ZNF227: variants seen among roughly 807,000 people sequenced by gnomAD.
ZNF227 encodes the protein zinc finger protein 227.
A neutral mutation model predicts 13.2 loss-of-function variants in ZNF227; 12 were observed. The observed-to-expected ratio is 0.91, with a 90% CI of 0.58 to 1.47. ZNF227 has a LOEUF of 1.47. ZNF227 is among the 40% of genes most tolerant of loss of function. The pLI is 0.00. For missense variants in ZNF227, 885 were observed against 967.5 expected, an observed-to-expected ratio of 0.91 and a Z score of 1.13; for synonymous variants, 338 against 326.0, an observed-to-expected ratio of 1.04 and a Z score of -0.40.
chr19:44,236,430 A>G lies in ZNF227; in HGVS notation c.2000A>G (p.Lys667Arg). ...CCATACAAATGTGATGTGTGTGGAA[A>G]GGGCTTTAGATACAGTTCGCAGTTT... ...EKPYKCDVCG[K>R]GFRYSSQFIY... Residue 667 changes from lysine (K) to arginine (R), a missense_variant, in exon 6 of 6, where the codon AAG becomes AGG. Physicochemically the swap from Lys to Arg is conservative, Grantham distance 26. Coordinates refer to ENST00000313040, the MANE Select transcript of ZNF227 (RefSeq NM_182490.3). 6.2e-7 allele frequency: 1 copy of G among 1,613,932 alleles called. No homozygotes were observed. The highest frequency in any genetic ancestry group is 1.1e-5 in the South Asian group (1 of 91,078).
chr19:44,212,142 C>A (rs1053373707), upstream of ZNF227, among the ~76,000 whole-genome samples: 1 of 151,910 alleles, frequency 6.6e-6, no homozygotes, highest in Non-Finnish European at 1.5e-5. Context: ...CCCGCCTCGG[C>A]CTCCCAAAGT....
upstream of ZNF227, among the ~76,000 whole-genome samples, chr19:44,209,655 C>T (rs2122619554): frequency 6.6e-6 from 1 of 152,158 alleles, no homozygotes; most frequent in African/African-American, 2.4e-5. Flanking sequence ...GGCGCGATCT[C>T]GGCTCACTGC....
chr19:44,224,227 G>GA (rs1318356992), intron 3 of ZNF227, among the ~76,000 whole-genome samples: 3 of 152,108 alleles, frequency 2.0e-5, no homozygotes, highest in Non-Finnish European at 4.4e-5. Flanking sequence ...GTGTGGTGCT[G>GA]AAAAAAATGT....
chr19:44,234,808 A>T lies in ZNF227; in HGVS notation c.378A>T (p.Glu126Asp), dbSNP rs1410943290. Residue 126 changes from glutamate (E) to aspartate (D), a missense_variant, in exon 6 of 6, where the codon GAA (glutamate) becomes GAT (aspartate). Glu to Asp is a conservative substitution (Grantham distance 45). Transcript: ENST00000313040. ...CWQIWKQVAS[E>D]LTRCLQGKSS... ...AAATCTGGAAACAGGTTGCAAGTGA[A>T]TTAACCAGGTGTCTTCAGGGGAAGA... 1 of 1,614,122 alleles carries T rather than the reference A, an allele frequency of 6.2e-7. No individual in the cohort carries two copies.
intron 4 of ZNF227, among the ~76,000 whole-genome samples, chr19:44,229,468 C>T (rs187305089): frequency 5.1e-4 from 77 of 152,078 alleles, no homozygotes; most frequent in Admixed American, 3.3e-3. Flanking sequence ...AAAAATTAGC[C>T]GGGTGTGGTG....
chr19:44,228,144 T>A (rs909762377), intron 3 of ZNF227: 2 of 210,194 alleles, frequency 9.5e-6, no homozygotes, highest in Non-Finnish European at 1.9e-5. Context: ...GGCAGGAGAA[T>A]CTCTTGAACC....
At chr19:44,230,935 A>ATCTATCTATCTATCTATCTATC (rs1568609963) in intron 5 of ZNF227, among the ~76,000 whole-genome samples, 4 of 130,414 alleles carry the variant, frequency 3.1e-5, no homozygotes, top group African/African-American at 1.3e-4. Flanking sequence ...AAATATATAT[A>ATCTATCTATCTATCTATCTATC]TATATATATA....
Position 44,235,176 on chromosome 19 carries a change from C to A in ZNF227, c.746C>A (p.Pro249His). ...SNQKLPLGEKPHPCGECGRGF... is the reference protein window; with the variant it reads ...SNQKLPLGEKHHPCGECGRGF... ...CAGAAATTACCCTTAGGAGAGAAAC[C>A]CCATCCATGTGGTGAGTGTGGAAGG... Residue 249 changes from proline (P) to histidine (H), a missense_variant, in exon 6 of 6, where the codon CCC becomes CAC. Pro to His is a moderately conservative substitution (Grantham distance 77). Coordinates refer to ENST00000313040, the MANE Select transcript of ZNF227 (RefSeq NM_182490.3). The A allele has an allele frequency of 6.2e-7, 1 of 1,614,038 alleles. No individual in the cohort carries two copies. Among genetic ancestry groups the A allele is most frequent in the Middle Eastern group, 1.6e-4 (1 of 6,062 alleles).
At position 44,236,211 on chromosome 19, in the gene ZNF227, A is replaced by G. The variant is rs767137767; in HGVS notation, c.1781A>G (p.His594Arg). 1.9e-6 allele frequency: 3 copies of G among 1,614,090 alleles called. No individual in the cohort carries two copies. Among genetic ancestry groups the G allele is most frequent in the Non-Finnish European group, 2.5e-6 (3 of 1,180,054 alleles). ...GFSWRSNLHA[H>R]QRVHSGEKPY... ...AGTTGGAGATCAAATCTTCATGCAC[A>G]TCAAAGAGTTCACTCAGGAGAAAAA... Residue 594 changes from histidine (H) to arginine (R), a missense_variant, in exon 6 of 6, where the codon CAT (histidine) becomes CGT (arginine). Physicochemically the swap from His to Arg is conservative, Grantham distance 29. Coordinates refer to ENST00000313040, the MANE Select transcript of ZNF227 (RefSeq NM_182490.3).
At chr19:44,219,759 TTTTATTTATTTA>T (rs370761338) in intron 3 of ZNF227, among the ~76,000 whole-genome samples, 15 of 149,436 alleles carry the variant, frequency 1.0e-4, no homozygotes, top group African/African-American at 3.7e-4. Context: ...GTTGATTTTC[TTTTATTTATTTA>T]TTTATTTATT....
chr19:44,234,702 G>C lies in ZNF227; in HGVS notation c.272G>C (p.Ser91Thr). 1 of 1,574,016 alleles carries C rather than the reference G, an allele frequency of 6.4e-7. No homozygotes were observed. Among genetic ancestry groups the C allele is most frequent in the Non-Finnish European group, 8.6e-7 (1 of 1,166,524 alleles). The stretch of plus-strand genomic sequence containing the variant: ...TATTGCCTTTTTTCTTTTTTAATAG[G>C]CAGCAAGCATCAAAATAAGATGGAA... ...LWMMETETQR[S>T]SKHQNKMETL... Residue 91 changes from serine (S) to threonine (T), a missense_variant and splice_region_variant, in exon 6 of 6, where the codon AGC (serine) becomes ACC (threonine). By Grantham distance (58) the Ser-to-Thr change is moderately conservative. Coordinates refer to ENST00000313040, the MANE Select transcript of ZNF227 (RefSeq NM_182490.3).
At chr19:44,228,313 A>G (rs1973401552) in intron 3 of ZNF227, 133 bp from the exon 4 acceptor site, 1 of 992,110 alleles carries the variant, frequency 1.0e-6, no homozygotes, top group African/African-American at 1.7e-5. Flanking sequence ...GAAAACTGTA[A>G]CAGCTGAAAA....
At chr19:44,213,457 A>G (rs1971534242) in intron 2 of ZNF227, 1 of 152,184 alleles carries the variant, frequency 6.6e-6, no homozygotes, top group Admixed American at 6.5e-5. Flanking sequence ...GCTATTGATG[A>G]AGTAGGTCTT....
rs531263749 is a variant in ZNF227, at chr19:44,224,347, C to G, written c.61-4099C>G. On this transcript the variant is annotated intron_variant, in intron 3 of 5. Coordinates refer to ENST00000313040, the MANE Select transcript of ZNF227 (RefSeq NM_182490.3). The stretch of plus-strand genomic sequence containing the variant: ...CTTGTTAACTTTCTGTCTCGTTGAT[C>G]TGTCTGATGCTGACAGTGGGGTGTT... 1.6e-4 allele frequency among the ~76,000 whole-genome samples: 25 copies of G among 152,296 alleles called. No individual in the cohort carries two copies. The East Asian group carries it at 3.9e-3, about 23-fold the overall frequency.
intron 2 of ZNF227, chr19:44,217,368 C>T (rs886847785): frequency 1.3e-5 from 6 of 456,154 alleles, no homozygotes; most frequent in African/African-American, 1.2e-4. Flanking sequence ...CTTGGAAAAA[C>T]CCTATGAGGG....
At chr19:44,221,055 A>G (rs1407572677) in intron 3 of ZNF227, among the ~76,000 whole-genome samples, 7 of 151,562 alleles carry the variant, frequency 4.6e-5, no homozygotes, top group Admixed American at 2.6e-4. Flanking sequence ...CCAGTCTATC[A>G]TTGTTGGACA....
At chr19:44,228,291 T>C (rs983241150) in intron 3 of ZNF227, 155 bp from the exon 4 acceptor site, 1 of 791,432 alleles carries the variant, frequency 1.3e-6, no homozygotes, top group African/African-American at 1.8e-5. Flanking sequence ...GCGTAGGAGA[T>C]AGTGAGACAG....
intron 3 of ZNF227, among the ~76,000 whole-genome samples, chr19:44,223,406 G>T (rs1972760625): frequency 6.6e-6 from 1 of 152,078 alleles, no homozygotes; most frequent in Non-Finnish European, 1.5e-5. Flanking sequence ...GACTCTTTTT[G>T]GTTGGTAAGC....
Position 44,234,945 on chromosome 19 carries a change from G to A in ZNF227, c.515G>A (p.Trp172Ter). Residue 172 changes from tryptophan (W) to a stop codon, truncating the protein, a stop_gained, in exon 6 of 6, where the codon TGG (tryptophan) becomes TAG (stop). Transcript: ENST00000313040. LOFTEE classifies it low-confidence loss of function (END_TRUNC). ...IYIENQEFPF[W>*]RTQHSCGNTY... is the part of the protein sequence containing the mutation. ...ATTGAAAATCAAGAGTTTCCATTTT[G>A]GAGAACCCAGCATTCTTGCGGGAAT... 6.2e-7 allele frequency: 1 copy of A among 1,613,622 alleles called. No individual in the cohort carries two copies. The highest frequency in any genetic ancestry group is 2.2e-5 in the East Asian group (1 of 44,888).
Sources: allele counts gnomAD v4.1 joint callset (sites outside exome capture counted in the v4.1 genomes callset), GRCh38; gene constraint gnomAD v4.1.1; transcripts MANE v1.5; gene names NCBI Gene and HGNC (gene_info 2026-07-23, HGNC 2026-07-21).